RASAL2: variants seen among roughly 807,000 people sequenced by gnomAD.
RASAL2 encodes RAS protein activator like 2, also known as ras GTPase-activating protein nGAP.
Under a neutral mutation model 128.9 loss-of-function variants are expected in RASAL2, and 58 were observed. The observed-to-expected ratio is 0.45, with a 90% CI of 0.36 to 0.56. RASAL2 has a LOEUF of 0.56. Ranked by LOEUF, RASAL2 falls within the 20% of genes least tolerant of loss-of-function variation. The pLI is 0.00. For missense variants in RASAL2, 1,360 were observed against 1,601.6 expected (o/e 0.85, Z 2.57); for synonymous variants, 561 against 580.8 (o/e 0.97, Z 0.49).
chr1:178,427,441 G>A (rs1675581462), intron 5 of RASAL2, among the ~76,000 whole-genome samples: 1 of 152,016 alleles, frequency 6.6e-6, no homozygotes, highest in Non-Finnish European at 1.5e-5. Context: ...TCAATTCTAA[G>A]GCTCACTAAC....
intron 1 of RASAL2, among the ~76,000 whole-genome samples, chr1:178,205,849 T>A (rs1663026457): frequency 6.6e-6 from 1 of 152,144 alleles, no homozygotes; most frequent in Non-Finnish European, 1.5e-5. Context: ...CTTCTTAGCC[T>A]ATAGGAACTT....
chr1:178,472,283 G>A (rs962064930), intron 17 of RASAL2, among the ~76,000 whole-genome samples: 1 of 151,942 alleles, frequency 6.6e-6, no homozygotes, highest in Non-Finnish European at 1.5e-5. Flanking sequence ...ATTCACCAAT[G>A]CTTGGTTTCC....
intron 1 of RASAL2, among the ~76,000 whole-genome samples, chr1:178,212,072 T>C (rs1663273412): frequency 6.6e-6 from 1 of 152,200 alleles, no homozygotes; most frequent in African/African-American, 2.4e-5. Context: ...GTATAGTATA[T>C]AGTTTATGAG....
At chr1:178,370,206 A>G (rs1438766467) in intron 3 of RASAL2, among the ~76,000 whole-genome samples, 1 of 152,336 alleles carries the variant, frequency 6.6e-6, no homozygotes, top group Admixed American at 6.5e-5. Context: ...TGGAACATGT[A>G]AAGGCGTGGA....
At chr1:178,228,020 A>G (rs547786619) in intron 1 of RASAL2, among the ~76,000 whole-genome samples, 1 of 152,340 alleles carries the variant, frequency 6.6e-6, no homozygotes, top group East Asian at 1.9e-4. Context: ...TTAAAGTTAG[A>G]TTAAGGATAA....
chr1:178,392,116 GT>G (rs1672946472), intron 4 of RASAL2, among the ~76,000 whole-genome samples: 1 of 152,126 alleles, frequency 6.6e-6, no homozygotes, highest in Non-Finnish European at 1.5e-5. Flanking sequence ...ACTGTGCGTG[GT>G]ATAAAAAAGT....
intron 3 of RASAL2, chr1:178,372,391 C>T: frequency 1.1e-6 from 1 of 950,218 alleles, no homozygotes; most frequent in Non-Finnish European, 1.3e-6. Flanking sequence ...GGGAATAGGA[C>T]CCCAAATTCT....
At chr1:178,295,990 A>G (rs992748940) in intron 2 of RASAL2, among the ~76,000 whole-genome samples, 1 of 152,110 alleles carries the variant, frequency 6.6e-6, no homozygotes, top group African/African-American at 2.4e-5. Context: ...ATTAATTTCC[A>G]TATGATTCTA....
rs79827810 is a variant in RASAL2, at chr1:178,475,287, T to A, written c.*2048T>A. 1.4e-3 allele frequency: 219 copies of A among 152,330 alleles called. No homozygotes were observed. Among genetic ancestry groups the A allele is most frequent in the African/African-American group, 5.1e-3 (213 of 41,574 alleles). The allele number at this position is 152,330 out of a possible 1,614,324, so 9.4% of individuals were successfully genotyped here. A position where few individuals can be genotyped will look rare whatever the true frequency, so the allele number is the denominator to read the frequency against. ...TGGCACTTTTACGTTTTCTTCACCT[T>A]TGGTTTTGGTTTGCAAATTCTTACA... is the stretch of plus-strand genomic sequence containing the variant. On this transcript the variant is annotated 3_prime_UTR_variant, in exon 18 of 18. Transcript: ENST00000367649.
chr1:178,094,272 C>T lies in RASAL2; in HGVS notation c.-221C>T, dbSNP rs974320622. 2.8e-5 allele frequency: 15 copies of T among 539,468 alleles called. No homozygotes were observed. The highest frequency in any genetic ancestry group is 1.2e-4 in the Admixed American group (3 of 25,576). 33.4% of individuals were successfully genotyped at this position (539,468 alleles called of 1,614,324 possible). On this transcript the variant is annotated 5_prime_UTR_variant, in exon 1 of 18. Transcript: ENST00000367649. ...GGTCGGGGCCACGCTGGATCCTCCTCCCGGCCTGGGTCCCGCCCGCCGACT... is the reference window on the plus strand; with the variant it reads ...GGTCGGGGCCACGCTGGATCCTCCTTCCGGCCTGGGTCCCGCCCGCCGACT...
chr1:178,351,556 C>T (rs188163531), intron 3 of RASAL2, among the ~76,000 whole-genome samples: 2 of 152,034 alleles, frequency 1.3e-5, no homozygotes, highest in African/African-American at 4.8e-5. Context: ...ACAGTGAAAC[C>T]CCGTCTCTAC....
chr1:178,111,787 T>C (rs1331799079), intron 1 of RASAL2, among the ~76,000 whole-genome samples: 1 of 152,232 alleles, frequency 6.6e-6, no homozygotes, highest in Non-Finnish European at 1.5e-5. Context: ...TGTAGTGCGA[T>C]GGCATGATTT....
chr1:178,425,853 T>A (rs1181331812), intron 5 of RASAL2, among the ~76,000 whole-genome samples: 1 of 152,184 alleles, frequency 6.6e-6, no homozygotes, highest in Non-Finnish European at 1.5e-5. Flanking sequence ...TGGGAAACTT[T>A]ATACCTGGAT....
intron 1 of RASAL2, among the ~76,000 whole-genome samples, chr1:178,102,144 T>G (rs1387404520): frequency 2.0e-5 from 3 of 152,132 alleles, no homozygotes; most frequent in African/African-American, 7.2e-5. Context: ...GAATAATACC[T>G]AATAACTTTG....
chr1:178,208,999 C>T (rs1190872100), intron 1 of RASAL2, among the ~76,000 whole-genome samples: 2 of 151,894 alleles, frequency 1.3e-5, no homozygotes, highest in African/African-American at 2.4e-5. Context: ...TTTAAATGAT[C>T]GTATGGTACT....
chr1:178,308,800 G>A lies in RASAL2; in HGVS notation c.457+8682G>A, dbSNP rs1379186712. Among the ~76,000 whole-genome samples the A allele has an allele frequency of 2.0e-5, 3 of 151,884 alleles. No homozygotes were observed. In the East Asian group the frequency reaches 5.8e-4, roughly 29 times the overall value. On this transcript the variant is annotated intron_variant, in intron 3 of 17. Coordinates refer to ENST00000367649, the MANE Select transcript of RASAL2 (RefSeq NM_170692.4). ...GTTTAAACCCTGGCCCTTTCTGTTA[G>A]ATTAAATTAGCCTCAGTTCTAACTT... is the stretch of plus-strand genomic sequence containing the variant.
chr1:178,397,710 A>G (rs959272798), intron 4 of RASAL2, among the ~76,000 whole-genome samples: 1 of 151,876 alleles, frequency 6.6e-6, no homozygotes, highest in Admixed American at 6.6e-5. Context: ...CCCAGGCTCA[A>G]ACGAACCTCC....
At chr1:178,301,437 CT>C (rs896455309) in intron 3 of RASAL2, among the ~76,000 whole-genome samples, 54 of 147,538 alleles carry the variant, frequency 3.7e-4, no homozygotes, top group East Asian at 2.6e-3. Flanking sequence ...TGTTGTCTCT[CT>C]TTTTTTTTTT....
intron 1 of RASAL2, among the ~76,000 whole-genome samples, chr1:178,131,609 G>A (rs1444265367): frequency 5.3e-5 from 8 of 152,052 alleles, no homozygotes; most frequent in African/African-American, 1.9e-4. Context: ...GCAAGGTGGT[G>A]GTGGTTTTTC....
Sources: gnomAD v4.1 joint callset for allele counts (sites outside exome capture counted in the v4.1 genomes callset) on GRCh38, gnomAD v4.1.1 for gene constraint, MANE v1.5 for transcripts, NCBI Gene and HGNC (gene_info 2026-07-23, HGNC 2026-07-21) for gene names.